FAM135B: variants seen among roughly 807,000 people sequenced by gnomAD.
FAM135B encodes family with sequence similarity 135 member B, also known as protein FAM135B.
Under a neutral mutation model 127.7 loss-of-function variants are expected in FAM135B, and 43 were observed. The observed-to-expected ratio is 0.34, with a 90% confidence interval of 0.26 to 0.43. FAM135B has a LOEUF of 0.43. FAM135B is among the 20% of genes least tolerant of loss of function. FAM135B has a pLI of 1.00. For synonymous variants in FAM135B, 670 were observed against 665.1 expected (o/e 1.01, Z -0.11); for missense variants, 1,558 against 1,725.6 (o/e 0.90, Z 1.72).
rs902927151 is a variant in FAM135B, at chr8:138,241,291, C to T, written c.669+1651G>A. On this transcript the variant is annotated intron_variant, in intron 7 of 19. Coordinates refer to ENST00000395297, the MANE Select transcript of FAM135B (RefSeq NM_015912.4). The surrounding 1 kb of genome is among the most constrained non-coding windows in gnomAD (Gnocchi z 4.8). ...GCGTCAGTGCTAAGGACGTCAGGTT[C>T]TGAGAAGCTCAGTGGTTGACTGAAG... Among the ~76,000 whole-genome samples, 1 of 152,162 alleles carries T rather than the reference C, an allele frequency of 6.6e-6. No homozygotes were observed. Among genetic ancestry groups the T allele is most frequent in the Non-Finnish European group, 1.5e-5 (1 of 68,034 alleles).
intron 1 of FAM135B, chr8:138,441,601 G>A (rs923781754): frequency 1.3e-5 from 2 of 152,102 alleles, no homozygotes; most frequent in African/African-American, 2.4e-5. Flanking sequence ...TACATTCCAC[G>A]AGAGAAAGAA....
chr8:138,317,167 A>T (rs2130925769), intron 2 of FAM135B, among the ~76,000 whole-genome samples: 1 of 152,330 alleles, frequency 6.6e-6, no homozygotes, highest in South Asian at 2.1e-4. Context: ...AACTGTGGAA[A>T]CTACTCCTCA....
At chr8:138,147,550 T>C (rs991332096) in intron 14 of FAM135B, among the ~76,000 whole-genome samples, 1 of 152,208 alleles carries the variant, frequency 6.6e-6, no homozygotes, top group African/African-American at 2.4e-5. Context: ...AATAAGCCCT[T>C]GGAAATTGAA....
At chr8:138,158,717 A>G (rs1222556458) in intron 12 of FAM135B, among the ~76,000 whole-genome samples, 1 of 152,212 alleles carries the variant, frequency 6.6e-6, no homozygotes, top group African/African-American at 2.4e-5. Flanking sequence ...GCCATCAGAG[A>G]AATGCAAATC....
intron 1 of FAM135B, among the ~76,000 whole-genome samples, chr8:138,452,229 A>C (rs895817551): frequency 6.7e-6 from 1 of 148,462 alleles, no homozygotes. Flanking sequence ...TCCCAGACTC[A>C]AGGAATCCTT....
chr8:138,460,856 C>T (rs890349454), intron 1 of FAM135B, among the ~76,000 whole-genome samples: 6 of 152,056 alleles, frequency 3.9e-5, no homozygotes, highest in Middle Eastern at 3.2e-3. Context: ...TAGCTAAGGA[C>T]GGCAAAGAAT....
chr8:138,419,432 A>G (rs1292828681), intron 1 of FAM135B, among the ~76,000 whole-genome samples: 1 of 152,188 alleles, frequency 6.6e-6, no homozygotes, highest in East Asian at 1.9e-4. Context: ...CCCTACTGAT[A>G]GTATTAGACA....
At chr8:138,329,432 G>A (rs1828019542) in intron 2 of FAM135B, among the ~76,000 whole-genome samples, 1 of 152,162 alleles carries the variant, frequency 6.6e-6, no homozygotes, top group Admixed American at 6.5e-5. Context: ...GAGATTTCAA[G>A]GGATTTCATT....
At chr8:138,454,375 T>A (rs1836659370) in intron 1 of FAM135B, among the ~76,000 whole-genome samples, 1 of 152,098 alleles carries the variant, frequency 6.6e-6, no homozygotes. Flanking sequence ...ATGCCTCCCT[T>A]AAGTGATGGC....
intron 1 of FAM135B, among the ~76,000 whole-genome samples, chr8:138,391,012 CT>C (rs1449065728): frequency 2.0e-5 from 3 of 152,176 alleles, no homozygotes; most frequent in Admixed American, 1.3e-4. Flanking sequence ...CAGGAAGCTA[CT>C]TCCCAAGATG....
At position 138,151,864 on chromosome 8, in the gene FAM135B, G is replaced by A. The variant is rs771228609; in HGVS notation, c.2611C>T (p.Pro871Ser). The change falls in exon 13 of 20, where the codon CCA becomes TCA. Residue 871 changes from proline to serine, a missense_variant. Around this residue, in one of 5 missense-constraint regions of FAM135B, gnomAD observed 923 missense variants for 865.3 expected, o/e 1.07. Coordinates refer to ENST00000395297, the MANE Select transcript of FAM135B (RefSeq NM_015912.4). The part of the protein sequence containing the change: ...CLPDGRTENT[P>S]GVETKGLNLK... ...TTAAGACCTTTGGTTTCAACACCTG[G>A]AGTGTTCTCAGTCCTGCCATCAGGA... The A allele has an allele frequency of 1.2e-6, 2 of 1,613,918 alleles. No homozygotes were observed. The highest frequency in any genetic ancestry group is 1.7e-6 in the Non-Finnish European group (2 of 1,179,908).
At chr8:138,188,763 C>A (rs1375024144) in intron 9 of FAM135B, among the ~76,000 whole-genome samples, 1 of 152,172 alleles carries the variant, frequency 6.6e-6, no homozygotes, top group Non-Finnish European at 1.5e-5. Flanking sequence ...GTTCCATCTA[C>A]CGCCTTTGTG....
intron 1 of FAM135B, among the ~76,000 whole-genome samples, chr8:138,436,195 A>C (rs1835445100): frequency 6.6e-6 from 1 of 152,236 alleles, no homozygotes. Context: ...CAAGCGGCTA[A>C]GCAAATGCTA....
intron 11 of FAM135B, among the ~76,000 whole-genome samples, chr8:138,169,019 A>T (rs969513811): frequency 2.0e-5 from 3 of 152,158 alleles, no homozygotes. Context: ...CTCTGCACAG[A>T]CTCAAAGCAA....
chr8:138,290,348 T>C (rs561894874), intron 3 of FAM135B, among the ~76,000 whole-genome samples: 1 of 152,326 alleles, frequency 6.6e-6, no homozygotes, highest in South Asian at 2.1e-4. Flanking sequence ...GTTGAATCCA[T>C]GCCTTAGCCA....
Position 138,469,966 on chromosome 8 carries a change from G to A in FAM135B, c.-20+26705C>T, listed in dbSNP as rs186182919. On this transcript the variant is annotated intron_variant, in intron 1 of 19. Transcript: ENST00000395297. ...GTTATTAACTCAACACCTTGGATGT[G>A]GTGGCCAGTGGGCTAGGGGCTGGAT... 6.4e-4 allele frequency among the ~76,000 whole-genome samples: 97 copies of A among 152,280 alleles called. 1 individual carries two copies. The East Asian group carries it at 0.015, about 24-fold the overall frequency.
intron 2 of FAM135B, among the ~76,000 whole-genome samples, chr8:138,345,927 T>C (rs1829377365): frequency 6.6e-6 from 1 of 152,094 alleles, no homozygotes; most frequent in African/African-American, 2.4e-5. Context: ...AGGTCTAATA[T>C]CCAGAGTCTA....
intron 1 of FAM135B, among the ~76,000 whole-genome samples, chr8:138,484,951 G>T (rs1472094232): frequency 8.5e-5 from 13 of 152,088 alleles, no homozygotes; most frequent in Non-Finnish European, 1.5e-5. Context: ...ATTATTCAGT[G>T]CATTTTATAT....
chr8:138,337,458 C>A (rs895511814), intron 2 of FAM135B, among the ~76,000 whole-genome samples: 4 of 151,552 alleles, frequency 2.6e-5, no homozygotes, highest in African/African-American at 7.3e-5. Context: ...TTCTTATACA[C>A]CAATAGCAGA....
Sources: gnomAD v4.1 joint callset for allele counts (sites outside exome capture counted in the v4.1 genomes callset) on GRCh38, gnomAD v4.1.1 for gene constraint, gnomAD v4.1.1 regional missense constraint, Gnocchi (gnomAD v3.1) non-coding constraint, MANE v1.5 for transcripts, NCBI Gene and HGNC (gene_info 2026-07-23, HGNC 2026-07-21) for gene names.